PLD3: variants seen among roughly 807,000 people sequenced by gnomAD.
PLD3 encodes the protein phospholipase D family member 3.
PLD3 carries 31 observed loss-of-function variants against 58.4 expected under a neutral mutation model. The ratio of observed to expected loss-of-function variants is 0.53; its 90% CI spans 0.40 to 0.72. PLD3 has a LOEUF of 0.72. PLD3 is among the 30% of genes least tolerant of loss of function. PLD3 has a pLI of 0.00. For missense variants in PLD3, 595 were observed against 659.8 expected, an observed-to-expected ratio of 0.90 and a Z score of 1.08; for synonymous variants, 264 against 273.4, an observed-to-expected ratio of 0.97 and a Z score of 0.34.
At chr19:40,372,307 C>T (rs563335725) in intron 9 of PLD3, among the ~76,000 whole-genome samples, 1 of 147,360 alleles carries the variant, frequency 6.8e-6, no homozygotes, top group Non-Finnish European at 1.5e-5. Context: ...GACAACATAG[C>T]AAGACTCCAT....
chr19:40,370,070 A>G (rs2079029388), intron 7 of PLD3, 40 bp from the exon 8 acceptor site: 1 of 1,582,186 alleles, frequency 6.3e-7, no homozygotes, highest in East Asian at 2.3e-5. Flanking sequence ...GCCTGGGGGT[A>G]CCCAGCCTGG....
chr19:40,377,967 T>TCC lies in PLD3; in HGVS notation c.1286-18_1286-17dup. The TCC allele has an allele frequency of 6.2e-7, 1 of 1,612,134 alleles. No homozygotes were observed. The highest frequency in any genetic ancestry group is 1.1e-5 in the South Asian group (1 of 91,018). On this transcript the variant is annotated intron_variant, in intron 12 of 12. Coordinates refer to ENST00000409735, the MANE Select transcript of PLD3 (RefSeq NM_012268.4). The stretch of plus-strand genomic sequence containing the variant: ...CGGCCCCCCGAGGGTGCCCTTATGC[T>TCC]CCACCCATTCCTCTCTAGGAACCTC...
rs1265897770 is a variant in PLD3 at position 40,376,692 on chromosome 19, G to A, written c.1103G>A (p.Gly368Glu). The change falls in exon 11 of 13, where the codon GGA (glycine) becomes GAA (glutamate). Residue 368 changes from glycine (G) to glutamate (E), a missense_variant. By Grantham distance (98) the Gly-to-Glu change is moderately conservative. Transcript: ENST00000409735. ...VKVRLLISCW[G>E]HSEPSMRAFL... ...GTGCGCCTGCTCATCAGCTGCTGGG[G>A]ACACTCGGAGCCATCCATGCGGGCC... 1.2e-6 allele frequency: 2 copies of A among 1,605,124 alleles called. No individual in the cohort carries two copies. The highest frequency in any genetic ancestry group is 1.7e-5 in the Admixed American group (1 of 60,016).
At chr19:40,375,784 C>A (rs2079183383) in intron 10 of PLD3, among the ~76,000 whole-genome samples, 1 of 152,008 alleles carries the variant, frequency 6.6e-6, no homozygotes, top group Non-Finnish European at 1.5e-5. Flanking sequence ...TGGGTCCAGG[C>A]ATGGTGGCTC....
rs567094662 is a variant in PLD3 at position 40,367,318 on chromosome 19, C to T, written c.246-378C>T. The T allele has an allele frequency of 1.9e-5, 5 of 257,738 alleles. No homozygotes were observed. In the South Asian group the frequency reaches 4.5e-4, roughly 23 times the overall value. The allele number at this position is 257,738 out of a possible 1,614,324, so 16.0% of individuals were successfully genotyped here. On this transcript the variant is annotated intron_variant, in intron 5 of 12. Transcript: ENST00000409735. ...CAGTTTAGCTGGGCTTGGTGGCTCA[C>T]GCCTGTAATTGCAACACTTTGCGGG... is the stretch of plus-strand genomic sequence containing the variant.
intron 1 of PLD3, chr19:40,360,206 A>G (rs2078746372): frequency 6.6e-6 from 1 of 152,444 alleles, no homozygotes; most frequent in South Asian, 2.1e-4. Flanking sequence ...CATCCAGCCT[A>G]GAAATGCCAT....
chr19:40,362,452 A>T (rs1247892336), intron 1 of PLD3, among the ~76,000 whole-genome samples: 3 of 152,142 alleles, frequency 2.0e-5, no homozygotes, highest in Non-Finnish European at 4.4e-5. Context: ...TTTGTTTTTT[A>T]TGAGACAGGC....
intron 10 of PLD3, 152 bp from the exon 11 acceptor site, chr19:40,376,457 G>T (rs2079203790): frequency 3.0e-6 from 2 of 677,026 alleles, no homozygotes; most frequent in African/African-American, 3.6e-5. Flanking sequence ...TGGGATTTAT[G>T]GAGACAGGAA....
intron 2 of PLD3, 26 bp from the exon 3 acceptor site, chr19:40,366,393 C>A: frequency 9.2e-7 from 1 of 1,084,674 alleles, no homozygotes; most frequent in Non-Finnish European, 1.4e-6. Flanking sequence ...GAACACCCCA[C>A]ACAGTGCCCA....
At chr19:40,373,591 G>C (rs926702179) in intron 9 of PLD3, among the ~76,000 whole-genome samples, 26 of 150,916 alleles carry the variant, frequency 1.7e-4, no homozygotes, top group Admixed American at 2.6e-4. Context: ...AAAAAAAAAG[G>C]GGGGGAAGCG....
intron 1 of PLD3, among the ~76,000 whole-genome samples, chr19:40,361,318 T>C (rs1021387583): frequency 6.6e-6 from 1 of 151,944 alleles, no homozygotes; most frequent in Non-Finnish European, 1.5e-5. Flanking sequence ...TCCATGTTGG[T>C]CAGGCTGGTC....
chr19:40,366,138 C>T, intron 2 of PLD3: 1 of 403,412 alleles, frequency 2.5e-6, no homozygotes. Context: ...GGGGTGTCTA[C>T]AGGTTGGAGG....
At chr19:40,374,050 A>G (rs2079131802) in intron 9 of PLD3, among the ~76,000 whole-genome samples, 1 of 151,780 alleles carries the variant, frequency 6.6e-6, no homozygotes, top group Admixed American at 6.6e-5. Flanking sequence ...CATGCCCCAG[A>G]ATCAGCTGGG....
At chr19:40,372,854 A>C (rs1316332038) in intron 9 of PLD3, among the ~76,000 whole-genome samples, 2 of 152,104 alleles carry the variant, frequency 1.3e-5, no homozygotes, top group African/African-American at 4.8e-5. Flanking sequence ...CCTGGGCAAG[A>C]GGCTGTTGCC....
In PLD3 at chr19:40,366,788, C is replaced by T; in HGVS notation, c.118C>T (p.Leu40=). 5.0e-6 allele frequency: 8 copies of T among 1,613,988 alleles called. No individual in the cohort carries two copies. Among genetic ancestry groups the T allele is most frequent in the Non-Finnish European group, 5.1e-6 (6 of 1,179,906 alleles). ...CTCCCCACAGAAAGCCCGCTGGGTC[C>T]TGCTGGTCCTCATTCTGGCGGTTGT... ...KAAEKKARWV[L]LVLILAVVGF... Residue 40 remains leucine, a synonymous_variant, in exon 5 of 13, where the codon CTG becomes TTG. Transcript: ENST00000409735.
At chr19:40,352,351 C>T (rs2078539989) in intron 1 of PLD3, among the ~76,000 whole-genome samples, 1 of 152,094 alleles carries the variant, frequency 6.6e-6, no homozygotes, top group African/African-American at 2.4e-5. Flanking sequence ...GCCGGCGCCA[C>T]CACGGGGTTC....
intron 1 of PLD3, among the ~76,000 whole-genome samples, chr19:40,350,945 A>C (rs540960333): frequency 6.6e-6 from 1 of 152,074 alleles, no homozygotes; most frequent in Non-Finnish European, 1.5e-5. Context: ...TTGAAGGAGA[A>C]GAGAGAGTAG....
In PLD3 at chr19:40,367,835, C is replaced by A; in HGVS notation, c.385C>A (p.Leu129Ile). ...SLDIASFYWTLTNNDTHTQEP... is the reference protein window; with the variant it reads ...SLDIASFYWTITNNDTHTQEP... ...GGACATCGCCTCCTTCTACTGGACC[C>A]TCACCAACAATGACACCCACACGCA... Residue 129 changes from leucine to isoleucine, a missense_variant, in exon 6 of 13, where the codon CTC becomes ATC. Coordinates refer to ENST00000409735, the MANE Select transcript of PLD3 (RefSeq NM_012268.4). 6.3e-7 allele frequency: 1 copy of A among 1,585,422 alleles called. No individual in the cohort carries two copies. Among genetic ancestry groups the A allele is most frequent in the East Asian group, 2.3e-5 (1 of 43,118 alleles).
At position 40,378,014 on chromosome 19, in the gene PLD3, C is replaced by A. The variant is rs775718152; in HGVS notation, c.1314C>A (p.Phe438Leu). The A allele has an allele frequency of 6.2e-7, 1 of 1,613,318 alleles. No homozygotes were observed. Reference sequence around the variant, plus strand: ...CCTCCAACTGGTCTGGCAACTACTTCACGGAGACGGCGGGCACCTCGCTGC... The same window carrying A: ...CCTCCAACTGGTCTGGCAACTACTTAACGGAGACGGCGGGCACCTCGCTGC... ...IGTSNWSGNY[F>L]TETAGTSLLV... The change falls in exon 13 of 13, where the codon TTC becomes TTA. Residue 438 changes from phenylalanine (F) to leucine (L), a missense_variant. Physicochemically the swap from Phe to Leu is conservative, Grantham distance 22. Transcript: ENST00000409735.
Sources: allele counts gnomAD v4.1 joint callset (sites outside exome capture counted in the v4.1 genomes callset), GRCh38; gene constraint gnomAD v4.1.1; transcripts MANE v1.5; gene names NCBI Gene and HGNC (gene_info 2026-07-23, HGNC 2026-07-21).